Variants in DOCK7 observed in about 807,000 individuals in gnomAD.
DOCK7 encodes the protein dedicator of cytokinesis 7.
A neutral mutation model predicts 271.0 loss-of-function variants in DOCK7; 138 were observed. The ratio of observed to expected loss-of-function variants is 0.51; its 90% CI spans 0.44 to 0.59. The LOEUF is 0.59. DOCK7 is among the 20% of genes least tolerant of loss of function. The pLI, the probability that DOCK7 is intolerant of heterozygous loss-of-function variation, is 0.00. For synonymous variants in DOCK7, 823 were observed against 876.1 expected (o/e 0.94, Z 1.07); for missense variants, 2,066 against 2,592.4 (o/e 0.80, Z 4.41).
chr1:62,517,406 A>G (rs1387667657), intron 31 of DOCK7, among the ~76,000 whole-genome samples: 1 of 152,058 alleles, frequency 6.6e-6, no homozygotes, highest in African/African-American at 2.4e-5. Context: ...GATCAGCCGG[A>G]CCAAAATGGA....
chr1:62,687,408 T>C (rs1661911562), intron 1 of DOCK7, among the ~76,000 whole-genome samples: 1 of 152,218 alleles, frequency 6.6e-6, no homozygotes, highest in South Asian at 2.1e-4. Flanking sequence ...TGCAATCACT[T>C]GCTTTACTTC....
intron 1 of DOCK7, 108 bp downstream of exon 1, chr1:62,688,119 C>G: frequency 8.5e-7 from 1 of 1,176,522 alleles, no homozygotes; most frequent in Non-Finnish European, 1.1e-6. Context: ...GCCGCGGGAT[C>G]CCGGTGCCGG....
At chr1:62,680,731 A>G (rs1371160242) in intron 1 of DOCK7, among the ~76,000 whole-genome samples, 1 of 151,938 alleles carries the variant, frequency 6.6e-6, no homozygotes, top group Non-Finnish European at 1.5e-5. Context: ...AAAGGATATG[A>G]ACAGACACTT....
At chr1:62,685,324 T>C (rs1287088847) in intron 1 of DOCK7, among the ~76,000 whole-genome samples, 1 of 152,204 alleles carries the variant, frequency 6.6e-6, no homozygotes, top group Non-Finnish European at 1.5e-5. Context: ...ATCTCCAGAA[T>C]TTGTGCTATA....
chr1:62,525,487 C>T (rs1348715774), intron 31 of DOCK7, among the ~76,000 whole-genome samples: 2 of 151,904 alleles, frequency 1.3e-5, no homozygotes, highest in Non-Finnish European at 2.9e-5. Context: ...GTTTTAAAAC[C>T]TCATTATGTT....
At chr1:62,480,957 C>A (rs1400482671) in intron 43 of DOCK7, among the ~76,000 whole-genome samples, 4 of 130,700 alleles carry the variant, frequency 3.1e-5, no homozygotes, top group African/African-American at 1.1e-4. Flanking sequence ...TGCAGTGAGC[C>A]GAGATCGCGT....
chr1:62,524,817 G>C (rs1307101729), intron 31 of DOCK7, among the ~76,000 whole-genome samples: 3 of 150,452 alleles, frequency 2.0e-5, no homozygotes, highest in Admixed American at 6.6e-5. Flanking sequence ...AGAATCGCTT[G>C]AACCTAGGAG....
At chr1:62,541,567 A>G (rs866661941) in intron 25 of DOCK7, among the ~76,000 whole-genome samples, 2 of 152,306 alleles carry the variant, frequency 1.3e-5, no homozygotes, top group Middle Eastern at 3.4e-3. Flanking sequence ...GAGCAAATAT[A>G]TTTTAACTTC....
chr1:62,497,497 C>T (rs1293450236), intron 37 of DOCK7, among the ~76,000 whole-genome samples: 5 of 152,174 alleles, frequency 3.3e-5, no homozygotes, highest in Non-Finnish European at 5.9e-5. Flanking sequence ...TTCTTGTAGT[C>T]ATGCCAAAAA....
intron 21 of DOCK7, among the ~76,000 whole-genome samples, chr1:62,553,785 T>A (rs1207998156): frequency 1.3e-5 from 2 of 150,254 alleles, no homozygotes; most frequent in African/African-American, 4.9e-5. Flanking sequence ...TTTCTATAAT[T>A]GTATATTACA....
rs1333564606 is a variant in DOCK7, at chr1:62,539,873, T to A, written c.3065A>T (p.His1022Leu). ...FELMVKSMVH[H>L]LYFNDKLEAP... Reference sequence around the variant, plus strand: ...CTCAAGTTTATCATTAAAGTATAAATGGTGCACCATGCTCTTTACCTGAAA... The same window carrying A: ...CTCAAGTTTATCATTAAAGTATAAAAGGTGCACCATGCTCTTTACCTGAAA... Residue 1022 changes from histidine (H) to leucine (L), a missense_variant, in exon 26 of 50, where the codon CAT becomes CTT. Coordinates refer to ENST00000635253, the MANE Select transcript of DOCK7 (RefSeq NM_001367561.1). The A allele has an allele frequency of 6.2e-7, 1 of 1,608,268 alleles. No individual in the cohort carries two copies. Among genetic ancestry groups the A allele is most frequent in the African/African-American group, 1.3e-5 (1 of 74,664 alleles).
intron 21 of DOCK7, among the ~76,000 whole-genome samples, chr1:62,554,625 A>G (rs1487388413): frequency 1.3e-5 from 2 of 152,056 alleles, no homozygotes; most frequent in African/African-American, 4.8e-5. Context: ...CGAATGTCAT[A>G]TTTGCAAATG....
intron 41 of DOCK7, among the ~76,000 whole-genome samples, chr1:62,490,580 T>C (rs1646435743): frequency 6.6e-6 from 1 of 152,218 alleles, no homozygotes; most frequent in Non-Finnish European, 1.5e-5. Flanking sequence ...GTAGTTGTAC[T>C]AGTGAAATAT....
intron 12 of DOCK7, among the ~76,000 whole-genome samples, chr1:62,620,883 CAAA>C (rs767181280): frequency 6.6e-3 from 205 of 31,130 alleles, no homozygotes; most frequent in Non-Finnish European, 0.014. Flanking sequence ...GACTCCGTCT[CAAA>C]AAAAAAAAAA....
intron 1 of DOCK7, among the ~76,000 whole-genome samples, chr1:62,685,176 CACA>C (rs1312560566): frequency 3.3e-5 from 5 of 152,148 alleles, no homozygotes; most frequent in African/African-American, 1.2e-4. Context: ...ATTTAATCCC[CACA>C]ACAACCCTAC....
intron 14 of DOCK7, chr1:62,608,499 T>A (rs1044980420): frequency 6.6e-6 from 1 of 152,214 alleles, no homozygotes; most frequent in Non-Finnish European, 1.5e-5. Context: ...AATGGCAGCT[T>A]GTTCATCTGA....
intron 18 of DOCK7, among the ~76,000 whole-genome samples, chr1:62,566,607 A>G (rs974021298): frequency 6.6e-6 from 1 of 152,210 alleles, no homozygotes; most frequent in Admixed American, 6.5e-5. Flanking sequence ...AAGAAAACCT[A>G]GGCAATACCA....
chr1:62,515,321 T>C (rs1177476778), intron 31 of DOCK7, among the ~76,000 whole-genome samples: 2 of 152,150 alleles, frequency 1.3e-5, no homozygotes, highest in African/African-American at 4.8e-5. Context: ...TTAACTATTT[T>C]GCTATACTGC....
chr1:62,546,123 G>C (rs1645699698), intron 22 of DOCK7, among the ~76,000 whole-genome samples: 1 of 152,164 alleles, frequency 6.6e-6, no homozygotes, highest in African/African-American at 2.4e-5. Context: ...TGAAGAGTTG[G>C]AACAACTGTA....
Sources: allele counts gnomAD v4.1 joint callset (sites outside exome capture counted in the v4.1 genomes callset), GRCh38; gene constraint gnomAD v4.1.1; transcripts MANE v1.5; gene names NCBI Gene and HGNC (gene_info 2026-07-23, HGNC 2026-07-21).